ZDHHC14: variants seen among roughly 807,000 people sequenced by gnomAD.
ZDHHC14 encodes the protein palmitoyltransferase ZDHHC14.
A neutral mutation model predicts 47.7 loss-of-function variants in ZDHHC14; 16 were observed. The observed-to-expected ratio is 0.34, with a 90% CI of 0.23 to 0.51. The LOEUF is 0.51. ZDHHC14 is among the 20% of genes least tolerant of loss of function. The pLI is 0.97. For synonymous variants in ZDHHC14, 293 were observed against 278.9 expected (o/e 1.05, Z -0.50); for missense variants, 515 against 662.5 (o/e 0.78, Z 2.44).
At chr6:157,653,017 G>A (rs1032515242) in intron 7 of ZDHHC14, among the ~76,000 whole-genome samples, 2 of 152,176 alleles carry the variant, frequency 1.3e-5, no homozygotes, top group African/African-American at 4.8e-5. Context: ...GAAGAGAGGG[G>A]GGAAGAGTCC....
At chr6:157,535,005 A>G (rs1781491906) in intron 1 of ZDHHC14, among the ~76,000 whole-genome samples, 2 of 152,212 alleles carry the variant, frequency 1.3e-5, no homozygotes, top group Non-Finnish European at 2.9e-5. Context: ...TTTACACACT[A>G]TGATTTGAAG....
intron 1 of ZDHHC14, among the ~76,000 whole-genome samples, chr6:157,517,253 G>C (rs899492197): frequency 1.3e-5 from 2 of 152,026 alleles, no homozygotes; most frequent in African/African-American, 4.8e-5. Context: ...CTGCTTCCCA[G>C]GGATGGGAGT....
At chr6:157,538,730 G>T (rs1781633500) in intron 1 of ZDHHC14, among the ~76,000 whole-genome samples, 1 of 152,158 alleles carries the variant, frequency 6.6e-6, no homozygotes, top group African/African-American at 2.4e-5. Flanking sequence ...CTGCTTAGGG[G>T]GTGAGCCCAG....
At chr6:157,405,962 C>A (rs1005352558) in intron 1 of ZDHHC14, among the ~76,000 whole-genome samples, 1 of 152,170 alleles carries the variant, frequency 6.6e-6, no homozygotes. Flanking sequence ...CACCCCTGCT[C>A]GGACCTCCCC....
chr6:157,601,958 C>T (rs1236203273), intron 3 of ZDHHC14, among the ~76,000 whole-genome samples: 1 of 152,166 alleles, frequency 6.6e-6, no homozygotes, highest in Non-Finnish European at 1.5e-5. Flanking sequence ...AATCCCAGCA[C>T]TTTGGGAGGC....
intron 1 of ZDHHC14, among the ~76,000 whole-genome samples, chr6:157,400,813 C>T (rs760333924): frequency 8.5e-5 from 13 of 152,228 alleles, no homozygotes; most frequent in Non-Finnish European, 1.3e-4. Flanking sequence ...CCCCAGGTCC[C>T]GCTGTCTTCC....
At chr6:157,567,305 C>T (rs1782940189) in intron 2 of ZDHHC14, among the ~76,000 whole-genome samples, 1 of 152,102 alleles carries the variant, frequency 6.6e-6, no homozygotes, top group Non-Finnish European at 1.5e-5. Flanking sequence ...ATTCCGGGAG[C>T]CCCATCTGAC....
intron 1 of ZDHHC14, among the ~76,000 whole-genome samples, chr6:157,469,121 C>A (rs1779294526): frequency 6.6e-6 from 1 of 152,214 alleles, no homozygotes; most frequent in African/African-American, 2.4e-5. Flanking sequence ...GCTGGGACAG[C>A]AGGCAGCTGC....
chr6:157,564,678 A>G (rs940570903), intron 2 of ZDHHC14, among the ~76,000 whole-genome samples: 10 of 152,252 alleles, frequency 6.6e-5, no homozygotes, highest in African/African-American at 2.4e-4. Context: ...TAAATCTGTC[A>G]GCCCTTACAT....
At chr6:157,668,331 G>A (rs778382863) in intron 8 of ZDHHC14, among the ~76,000 whole-genome samples, 2 of 151,984 alleles carry the variant, frequency 1.3e-5, no homozygotes, top group Non-Finnish European at 2.9e-5. Context: ...ATAAGTCAGG[G>A]TTCCAAAGAG....
At chr6:157,519,589 G>A (rs1057332956) in intron 1 of ZDHHC14, among the ~76,000 whole-genome samples, 9 of 152,128 alleles carry the variant, frequency 5.9e-5, no homozygotes, top group African/African-American at 1.9e-4. Flanking sequence ...CAACTTAGAC[G>A]GATCCACTGA....
rs145651588 is a variant in ZDHHC14 at position 157,561,369 on chromosome 6, C to T, written c.406+18624C>T. 4.1e-4 allele frequency among the ~76,000 whole-genome samples: 61 copies of T among 149,200 alleles called. 1 individual carries two copies. The East Asian group carries it at 0.011, about 26-fold the overall frequency. ...GCCATCGTAGTGCAGAATAGAATCCCGTGGAGGTTGGAAATGTTTACCTGC... is the reference window on the plus strand; with the variant it reads ...GCCATCGTAGTGCAGAATAGAATCCTGTGGAGGTTGGAAATGTTTACCTGC... On this transcript the variant is annotated intron_variant, in intron 2 of 8. Coordinates refer to ENST00000359775, the MANE Select transcript of ZDHHC14 (RefSeq NM_024630.3).
chr6:157,649,288 G>A (rs371087670), intron 7 of ZDHHC14, among the ~76,000 whole-genome samples: 1 of 152,220 alleles, frequency 6.6e-6, no homozygotes, highest in Non-Finnish European at 1.5e-5. Flanking sequence ...CTCCGGGGGA[G>A]GCTTTTATTG....
intron 1 of ZDHHC14, among the ~76,000 whole-genome samples, chr6:157,436,630 A>G (rs1778445704): frequency 6.6e-6 from 1 of 152,078 alleles, no homozygotes; most frequent in Non-Finnish European, 1.5e-5. Flanking sequence ...GATGATGGGC[A>G]CAGGCGTCAG....
chr6:157,502,116 G>A lies in ZDHHC14; in HGVS notation c.246-40469G>A, dbSNP rs1454997851. On this transcript the variant is annotated intron_variant, in intron 1 of 8. Transcript: ENST00000359775. This position sits in a 1 kb window ranked among gnomAD's most constrained non-coding sequence, Gnocchi z 4.0. ...CAATTGAGAAGTTAATTGAATCTCAGAGACAGTAGATGTCTTTCTCAGGGC... is the reference window on the plus strand; with the variant it reads ...CAATTGAGAAGTTAATTGAATCTCAAAGACAGTAGATGTCTTTCTCAGGGC... Among the ~76,000 whole-genome samples, 1 of 152,198 alleles carries A rather than the reference G, an allele frequency of 6.6e-6. No individual in the cohort carries two copies. Among genetic ancestry groups the A allele is most frequent in the East Asian group, 1.9e-4 (1 of 5,200 alleles).
intron 8 of ZDHHC14, among the ~76,000 whole-genome samples, chr6:157,668,333 T>G (rs1056462816): frequency 2.0e-5 from 3 of 152,088 alleles, no homozygotes; most frequent in African/African-American, 7.2e-5. Flanking sequence ...AAGTCAGGGT[T>G]CCAAAGAGTC....
intron 5 of ZDHHC14, among the ~76,000 whole-genome samples, chr6:157,645,443 C>T (rs113318339): frequency 0.024 from 3,695 of 152,186 alleles, 117 homozygotes; most frequent in African/African-American, 0.075. Context: ...AGGTGAAGTT[C>T]AAGTAGAAGT....
intron 1 of ZDHHC14, among the ~76,000 whole-genome samples, chr6:157,412,230 C>T (rs796392742): frequency 1.3e-4 from 19 of 150,050 alleles, no homozygotes; most frequent in East Asian, 2.0e-4. Context: ...TGAGCCACTG[C>T]GCCTGGCCAG....
intron 1 of ZDHHC14, among the ~76,000 whole-genome samples, chr6:157,424,888 C>T (rs1013406619): frequency 6.6e-6 from 1 of 152,058 alleles, no homozygotes; most frequent in African/African-American, 2.4e-5. Context: ...GCTTCTTCAG[C>T]AGGATCCCTG....
Sources: allele counts gnomAD v4.1 joint callset (sites outside exome capture counted in the v4.1 genomes callset), GRCh38; gene constraint gnomAD v4.1.1; non-coding constraint Gnocchi (gnomAD v3.1); transcripts MANE v1.5; gene names NCBI Gene and HGNC (gene_info 2026-07-23, HGNC 2026-07-21).